PARM1: variants seen among roughly 807,000 people sequenced by gnomAD.
PARM1 encodes the protein prostate androgen-regulated mucin-like protein 1.
PARM1 carries 14 observed loss-of-function variants against 24.6 expected under a neutral mutation model. The observed-to-expected ratio is 0.57, with a 90% CI of 0.38 to 0.89. PARM1 has a LOEUF of 0.89. PARM1 is among the 40% of genes least tolerant of loss of function. The pLI is 0.00. For missense variants in PARM1, 362 were observed against 380.4 expected (o/e 0.95, Z 0.40); for synonymous variants, 179 against 156.6 (o/e 1.14, Z -1.07).
chr4:75,016,500 C>G (rs1276173730), intron 2 of PARM1, among the ~76,000 whole-genome samples: 1 of 152,080 alleles, frequency 6.6e-6, no homozygotes, highest in Non-Finnish European at 1.5e-5. Context: ...TACAACTGAT[C>G]CCATCACCCA....
intron 3 of PARM1, among the ~76,000 whole-genome samples, chr4:75,043,042 T>C (rs1165310332): frequency 2.0e-5 from 3 of 152,076 alleles, no homozygotes; most frequent in East Asian, 1.9e-4. Context: ...GATTCAGATA[T>C]AGCATTAACC....
intron 1 of PARM1, chr4:74,969,688 G>A (rs1721983515): frequency 6.6e-6 from 1 of 152,224 alleles, no homozygotes; most frequent in African/African-American, 2.4e-5. Flanking sequence ...AAAAGACTGA[G>A]TAGTGTTGCA....
rs9090 is a variant in PARM1, at chr4:75,047,203, C to T, written c.*956C>T. ...CCACAGCTTGGAGGAGCCCAGAGAC[C>T]GTTTGCTTTATACCCACACAGCAAC... On this transcript the variant is annotated 3_prime_UTR_variant, in exon 4 of 4. Transcript: ENST00000307428. The T allele has an allele frequency of 0.16, 24,375 of 152,104 alleles. 3,168 individuals carry two copies. The highest frequency in any genetic ancestry group is 0.36 in the African/African-American group (14,863 of 41,430). 9.4% of individuals were successfully genotyped at this position (152,104 alleles called of 1,614,324 possible). A position where few individuals can be genotyped will look rare whatever the true frequency, so the allele number is the denominator to read the frequency against.
At chr4:75,037,123 G>T (rs537836522) in intron 3 of PARM1, among the ~76,000 whole-genome samples, 1 of 152,134 alleles carries the variant, frequency 6.6e-6, no homozygotes, top group Non-Finnish European at 1.5e-5. Flanking sequence ...TTTAATTGAC[G>T]TGTGTGTGTG....
rs534294040 is a variant in PARM1 at position 75,001,057 on chromosome 4, T to A, written c.44-11368T>A. Reference sequence around the variant, plus strand: ...AACCTCTTTGTGCCTCAATTTGCTCTTGTAAGATGGAGATATAATATTTCC... The same window carrying A: ...AACCTCTTTGTGCCTCAATTTGCTCATGTAAGATGGAGATATAATATTTCC... On this transcript the variant is annotated intron_variant, in intron 1 of 3. Coordinates refer to ENST00000307428, the MANE Select transcript of PARM1 (RefSeq NM_015393.4). Among the ~76,000 whole-genome samples the A allele has an allele frequency of 2.6e-5, 4 of 152,328 alleles. No individual in the cohort carries two copies. In the South Asian group the frequency reaches 6.2e-4, roughly 24 times the overall value.
chr4:74,936,311 C>T (rs552143679), intron 1 of PARM1, among the ~76,000 whole-genome samples: 3 of 152,242 alleles, frequency 2.0e-5, no homozygotes, highest in Non-Finnish European at 4.4e-5. Context: ...AGCCTCCAAC[C>T]TTTATCCCCA....
At chr4:74,957,105 A>G (rs908138734) in intron 1 of PARM1, 1 of 152,248 alleles carries the variant, frequency 6.6e-6, no homozygotes, top group African/African-American at 2.4e-5. Flanking sequence ...ACTCACATTT[A>G]TTAAATCTAA....
intron 1 of PARM1, among the ~76,000 whole-genome samples, chr4:74,965,907 A>G (rs1349241965): frequency 2.0e-5 from 3 of 152,216 alleles, no homozygotes; most frequent in Non-Finnish European, 2.9e-5. Flanking sequence ...AAATCCTGGA[A>G]CAGAATGAGG....
intron 3 of PARM1, among the ~76,000 whole-genome samples, chr4:75,039,856 C>T (rs996912105): frequency 1.3e-5 from 2 of 152,216 alleles, no homozygotes; most frequent in Admixed American, 6.5e-5. Flanking sequence ...GCTGATCCCT[C>T]TGTGAGAGGT....
chr4:75,027,707 T>C (rs1310128614), intron 2 of PARM1, among the ~76,000 whole-genome samples: 1 of 152,178 alleles, frequency 6.6e-6, no homozygotes, highest in Non-Finnish European at 1.5e-5. Flanking sequence ...CGATCTAAGG[T>C]TGCTGTTCTA....
intron 1 of PARM1, among the ~76,000 whole-genome samples, chr4:74,992,368 A>G (rs977995608): frequency 6.6e-6 from 1 of 152,210 alleles, no homozygotes; most frequent in Non-Finnish European, 1.5e-5. Flanking sequence ...GTTGTTGGAC[A>G]ACTTCTAGAG....
intron 1 of PARM1, among the ~76,000 whole-genome samples, chr4:74,971,837 C>A (rs1722043683): frequency 1.3e-5 from 2 of 152,146 alleles, no homozygotes; most frequent in South Asian, 4.1e-4. Flanking sequence ...ACTCTTCTTT[C>A]TAGAAGAAAG....
intron 1 of PARM1, among the ~76,000 whole-genome samples, chr4:75,006,194 C>A (rs1409264929): frequency 6.6e-6 from 1 of 151,992 alleles, no homozygotes; most frequent in Non-Finnish European, 1.5e-5. Flanking sequence ...GCACAACTTG[C>A]AGGTTTGTTA....
At chr4:75,034,523 A>G (rs751485494) in intron 3 of PARM1, among the ~76,000 whole-genome samples, 10 of 152,174 alleles carry the variant, frequency 6.6e-5, no homozygotes, top group Non-Finnish European at 1.2e-4. Flanking sequence ...CTTTTCTCCT[A>G]TGAAATGAAG....
At chr4:74,956,578 T>C (rs1488333494) in intron 1 of PARM1, 1 of 152,176 alleles carries the variant, frequency 6.6e-6, no homozygotes, top group African/African-American at 2.4e-5. Flanking sequence ...ACAAGAACAT[T>C]TTTTGTGAAC....
intron 2 of PARM1, among the ~76,000 whole-genome samples, chr4:75,031,094 C>T (rs994162760): frequency 6.6e-6 from 1 of 152,166 alleles, no homozygotes; most frequent in East Asian, 1.9e-4. Context: ...TTACCAGCTG[C>T]TTCTGAAAGC....
In PARM1 at chr4:75,021,818, C is replaced by T. The variant is rs548740900; in HGVS notation, c.769+8668C>T. ...TTCCTTTTATGGCTGAATAGTATTC[C>T]GTAGTGTATATATACCACATTTTCT... On this transcript the variant is annotated intron_variant, in intron 2 of 3. Coordinates refer to ENST00000307428, the MANE Select transcript of PARM1 (RefSeq NM_015393.4). 1.2e-3 allele frequency among the ~76,000 whole-genome samples: 173 copies of T among 149,844 alleles called. 3 individuals are homozygous for T. Among genetic ancestry groups the T allele is most frequent in the Non-Finnish European group, 3.4e-4 (23 of 68,034 alleles).
At chr4:74,998,917 G>A (rs1478444463) in intron 1 of PARM1, 2 of 152,244 alleles carry the variant, frequency 1.3e-5, no homozygotes, top group Non-Finnish European at 2.9e-5. Flanking sequence ...GATAAGTTAG[G>A]TCCTGTCTAC....
intron 1 of PARM1, among the ~76,000 whole-genome samples, chr4:74,934,964 T>C (rs1490489436): frequency 6.7e-6 from 1 of 150,254 alleles, no homozygotes; most frequent in Non-Finnish European, 1.5e-5. Context: ...GTATTGTAGC[T>C]TCCCCACCCC....
Sources: gnomAD v4.1 joint callset for allele counts (sites outside exome capture counted in the v4.1 genomes callset) on GRCh38, gnomAD v4.1.1 for gene constraint, MANE v1.5 for transcripts, NCBI Gene and HGNC (gene_info 2026-07-23, HGNC 2026-07-21) for gene names.